The following SUGCT variants were observed in gnomAD, a reference collection of about 807,000 sequenced individuals.
SUGCT encodes the protein succinyl-CoA:glutarate CoA-transferase.
In SUGCT, 41 loss-of-function variants were observed where a neutral mutation model predicts 55.0. The observed-to-expected ratio is 0.74, with a 90% CI of 0.58 to 0.97. SUGCT has a LOEUF of 0.97. Among genes scored for constraint, SUGCT ranks in the 50% least tolerant of loss-of-function variants. The probability of loss-of-function intolerance (pLI) is 0.00; values close to 1 mark genes in which losing one functional copy is unlikely to be tolerated. For missense variants in SUGCT, 568 were observed against 547.8 expected, an observed-to-expected ratio of 1.04 and a Z score of -0.37; for synonymous variants, 187 against 200.4, an observed-to-expected ratio of 0.93 and a Z score of 0.56.
intron 13 of SUGCT, among the ~76,000 whole-genome samples, chr7:40,807,817 C>G (rs1322329652): frequency 6.6e-6 from 1 of 152,174 alleles, no homozygotes; most frequent in Non-Finnish European, 1.5e-5. Flanking sequence ...GCAAGGAAGC[C>G]AGTCCGATTC....
chr7:40,779,320 T>A (rs1789613631), intron 13 of SUGCT, among the ~76,000 whole-genome samples: 1 of 152,218 alleles, frequency 6.6e-6, no homozygotes, highest in Non-Finnish European at 1.5e-5. Flanking sequence ...AGCATCTCTC[T>A]GTTCATCTGT....
At chr7:40,397,704 A>G (rs532416909) in intron 9 of SUGCT, among the ~76,000 whole-genome samples, 1 of 152,216 alleles carries the variant, frequency 6.6e-6, no homozygotes, top group Non-Finnish European at 1.5e-5. Flanking sequence ...ATGAAAATGT[A>G]TATAGAGACT....
intron 10 of SUGCT, among the ~76,000 whole-genome samples, chr7:40,452,056 C>G (rs527618404): frequency 6.6e-6 from 1 of 152,206 alleles, no homozygotes; most frequent in Non-Finnish European, 1.5e-5. Flanking sequence ...TGCCTAGTCT[C>G]TTCCCAAAAT....
At chr7:40,450,816 C>T (rs1789151232) in intron 10 of SUGCT, among the ~76,000 whole-genome samples, 1 of 151,924 alleles carries the variant, frequency 6.6e-6, no homozygotes, top group Non-Finnish European at 1.5e-5. Context: ...ATCTCATTTA[C>T]TGTAGTTAAC....
chr7:40,136,304 A>G (rs188327183), intron 1 of SUGCT, among the ~76,000 whole-genome samples: 1 of 152,264 alleles, frequency 6.6e-6, no homozygotes, highest in Non-Finnish European at 1.5e-5. Flanking sequence ...GGCGTAGGAT[A>G]CAGAATCTTA....
At chr7:40,299,085 T>C (rs1231141250) in intron 8 of SUGCT, among the ~76,000 whole-genome samples, 1 of 152,230 alleles carries the variant, frequency 6.6e-6, no homozygotes, top group African/African-American at 2.4e-5. Flanking sequence ...TTTTAAACTT[T>C]CAAACAAGCA....
At chr7:40,549,931 G>A (rs1252565779) in intron 12 of SUGCT, among the ~76,000 whole-genome samples, 1 of 152,156 alleles carries the variant, frequency 6.6e-6, no homozygotes, top group Non-Finnish European at 1.5e-5. Flanking sequence ...GCAGTGGAAT[G>A]CAACTAGGAG....
chr7:40,677,965 A>T (rs1392094442), intron 12 of SUGCT, among the ~76,000 whole-genome samples: 1 of 152,212 alleles, frequency 6.6e-6, no homozygotes, highest in African/African-American at 2.4e-5. Context: ...GCCCAGGGAC[A>T]TGGCTGGCCA....
At chr7:40,338,918 G>A (rs1796880776) in intron 9 of SUGCT, among the ~76,000 whole-genome samples, 1 of 152,138 alleles carries the variant, frequency 6.6e-6, no homozygotes, top group Non-Finnish European at 1.5e-5. Flanking sequence ...TGTACATATG[G>A]GTTTTTGGTG....
intron 9 of SUGCT, among the ~76,000 whole-genome samples, chr7:40,350,788 C>T (rs1232910239): frequency 3.3e-5 from 5 of 152,128 alleles, no homozygotes; most frequent in Admixed American, 2.0e-4. Context: ...CTTTCCCTCC[C>T]CCGCAACCCC....
At chr7:40,638,321 A>G (rs1800110092) in intron 12 of SUGCT, among the ~76,000 whole-genome samples, 1 of 152,186 alleles carries the variant, frequency 6.6e-6, no homozygotes, top group African/African-American at 2.4e-5. Flanking sequence ...TGCTTTAATA[A>G]TATTACTCTT....
chr7:40,716,379 C>G (rs1203730), intron 12 of SUGCT, among the ~76,000 whole-genome samples: 22,525 of 152,114 alleles, frequency 0.15, 3,091 homozygotes, highest in African/African-American at 0.35. Context: ...TGATGTTTAA[C>G]CTGTACAACT....
the SUGCT span, among the ~76,000 whole-genome samples, chr7:40,913,008 ATTTTT>A: frequency 3.3e-5 from 4 of 121,588 alleles, no homozygotes; most frequent in Non-Finnish European, 5.0e-5. Context: ...GCTGGATCCA[ATTTTT>A]TTTTTTTTTT....
the SUGCT span, among the ~76,000 whole-genome samples, chr7:40,898,710 T>A: frequency 6.7e-6 from 1 of 150,084 alleles, no homozygotes; most frequent in Non-Finnish European, 1.5e-5. Context: ...AAAAAAAAAA[T>A]GAACACTTAC....
intron 13 of SUGCT, among the ~76,000 whole-genome samples, chr7:40,840,907 TTA>T (rs1793246066): frequency 6.6e-6 from 1 of 152,176 alleles, no homozygotes; most frequent in South Asian, 2.1e-4. Context: ...GTGTTTTTTT[TTA>T]TGTTACAACA....
the SUGCT span, among the ~76,000 whole-genome samples, chr7:40,989,117 A>C: frequency 6.6e-6 from 1 of 152,208 alleles, no homozygotes; most frequent in Non-Finnish European, 1.5e-5. Flanking sequence ...GCTAAAAAAA[A>C]TACTCAAGAT....
At chr7:40,785,085 A>G (rs1371322567) in intron 13 of SUGCT, 1 of 152,158 alleles carries the variant, frequency 6.6e-6, no homozygotes, top group Non-Finnish European at 1.5e-5. Context: ...CAACATTTAT[A>G]CATTTCATAT....
intron 11 of SUGCT, among the ~76,000 whole-genome samples, chr7:40,474,904 G>A (rs1241483919): frequency 6.6e-6 from 1 of 152,046 alleles, no homozygotes; most frequent in Non-Finnish European, 1.5e-5. Context: ...TACAGTAGAG[G>A]GCCTGGCACA....
the SUGCT span, among the ~76,000 whole-genome samples, chr7:40,903,124 C>G: frequency 6.6e-6 from 1 of 151,742 alleles, no homozygotes; most frequent in Non-Finnish European, 1.5e-5. Context: ...CTCCGCCTCC[C>G]GGGTTCAAGT....
Sources: allele counts gnomAD v4.1 joint callset (sites outside exome capture counted in the v4.1 genomes callset), GRCh38; gene constraint gnomAD v4.1.1; transcripts MANE v1.5; gene names NCBI Gene and HGNC (gene_info 2026-07-23, HGNC 2026-07-21).